The following CCDC63 variants were observed in gnomAD, a reference collection of about 807,000 sequenced individuals.
CCDC63 encodes coiled-coil domain-containing protein 63.
CCDC63 carries 54 observed loss-of-function variants against 63.6 expected under a neutral mutation model. The observed-to-expected ratio is 0.85, with a 90% CI of 0.68 to 1.07. The LOEUF (loss-of-function observed/expected upper bound fraction) is 1.07, where lower values mean the gene tolerates loss of function less well. CCDC63 is among the 50% of genes least tolerant of loss of function. The probability of loss-of-function intolerance (pLI) is 0.00; values close to 1 mark genes in which losing one functional copy is unlikely to be tolerated. For synonymous variants in CCDC63, 253 were observed against 266.1 expected (o/e 0.95, Z 0.48); for missense variants, 637 against 689.6 (o/e 0.92, Z 0.86).
intron 4 of CCDC63, among the ~76,000 whole-genome samples, chr12:110,871,754 A>G (rs928112739): frequency 6.6e-6 from 1 of 152,098 alleles, no homozygotes; most frequent in Non-Finnish European, 1.5e-5. Context: ...AGATTATTGC[A>G]GTGTCTGGAA....
chr12:110,895,319 T>C (rs184093550), intron 9 of CCDC63, among the ~76,000 whole-genome samples: 300 of 152,288 alleles, frequency 2.0e-3, no homozygotes, highest in African/African-American at 6.9e-3. Context: ...TTTACCATGT[T>C]GGCAAGGCTA....
intron 9 of CCDC63, among the ~76,000 whole-genome samples, chr12:110,896,871 G>A (rs1051457391): frequency 4.6e-5 from 7 of 152,208 alleles, no homozygotes; most frequent in Non-Finnish European, 7.3e-5. Context: ...CAGGATCACC[G>A]GGAGGCTTGC....
At chr12:110,894,500 G>C (rs962199810) in intron 9 of CCDC63, among the ~76,000 whole-genome samples, 1 of 152,088 alleles carries the variant, frequency 6.6e-6, no homozygotes, top group Non-Finnish European at 1.5e-5. Flanking sequence ...TGTCTGACGC[G>C]CACCTGGGAG....
At position 110,897,341 on chromosome 12, in the gene CCDC63, A is replaced by T. The variant is rs558577742; in HGVS notation, c.1150-1592A>T. Among the ~76,000 whole-genome samples the T allele has an allele frequency of 1.8e-4, 27 of 151,972 alleles. No homozygotes were observed. In the East Asian group the frequency reaches 5.2e-3, roughly 29 times the overall value. ...GGTGGCTCACACCTGTAATCCCAGC[A>T]CTTTGGGATACTGAGGCAGGAGGAT... On this transcript the variant is annotated intron_variant, in intron 9 of 11. Coordinates refer to ENST00000308208, the MANE Select transcript of CCDC63 (RefSeq NM_152591.3).
chr12:110,863,022 T>C (rs1381896619), intron 4 of CCDC63, among the ~76,000 whole-genome samples: 2 of 151,764 alleles, frequency 1.3e-5, no homozygotes, highest in Non-Finnish European at 2.9e-5. Context: ...TCCCAAAGTG[T>C]TGGGATTACA....
At chr12:110,852,763 G>A in intron 1 of CCDC63, 96 bp from the exon 2 acceptor site, 5 of 762,320 alleles carry the variant, frequency 6.6e-6, no homozygotes, top group Non-Finnish European at 1.1e-5. Flanking sequence ...TGTGGGTGGA[G>A]GAAGGGATGG....
intron 5 of CCDC63, among the ~76,000 whole-genome samples, chr12:110,875,560 G>T (rs1350526021): frequency 6.6e-6 from 1 of 151,932 alleles, no homozygotes; most frequent in African/African-American, 2.4e-5. Context: ...AGTCTATTCA[G>T]ATGTTCTATT....
chr12:110,900,454 C>G (rs1304576257), intron 10 of CCDC63, among the ~76,000 whole-genome samples: 1 of 152,136 alleles, frequency 6.6e-6, no homozygotes, highest in Non-Finnish European at 1.5e-5. Context: ...AGAGTAGTGC[C>G]TGGCATGTAG....
intron 4 of CCDC63, among the ~76,000 whole-genome samples, chr12:110,862,805 G>A (rs1302587193): frequency 6.6e-6 from 1 of 151,408 alleles, no homozygotes; most frequent in Non-Finnish European, 1.5e-5. Flanking sequence ...ACCCAGACTG[G>A]AGTGCAGTGG....
Position 110,889,005 on chromosome 12 carries a change from G to A in CCDC63, c.1075-4071G>A, listed in dbSNP as rs1348790595. 6.6e-6 allele frequency among the ~76,000 whole-genome samples: 1 copy of A among 151,998 alleles called. No homozygotes were observed. Among genetic ancestry groups the A allele is most frequent in the African/African-American group, 2.4e-5 (1 of 41,380 alleles). On this transcript the variant is annotated intron_variant, in intron 8 of 11. Coordinates refer to ENST00000308208, the MANE Select transcript of CCDC63 (RefSeq NM_152591.3). This position sits in a 1 kb window ranked among gnomAD's most constrained non-coding sequence, Gnocchi z 4.1. ...TCTCATCTCAGCCTCCAGAGTGGCT[G>A]GGACTACAGGCACACACCACCACAC...
intron 8 of CCDC63, among the ~76,000 whole-genome samples, chr12:110,888,151 C>G (rs892133571): frequency 6.6e-6 from 1 of 152,110 alleles, no homozygotes; most frequent in African/African-American, 2.4e-5. Flanking sequence ...CTTAGCGGGC[C>G]TTTGAGTTGC....
intron 3 of CCDC63, among the ~76,000 whole-genome samples, chr12:110,854,420 G>A (rs990232135): frequency 1.3e-5 from 2 of 151,090 alleles, no homozygotes; most frequent in Admixed American, 6.6e-5. Context: ...TCAGCTTCCT[G>A]AGTAGCTGGG....
chr12:110,870,142 G>T (rs1246030749), intron 4 of CCDC63, among the ~76,000 whole-genome samples: 1 of 152,148 alleles, frequency 6.6e-6, no homozygotes, highest in Non-Finnish European at 1.5e-5. Flanking sequence ...GAGTGCAATG[G>T]CATGATCTCG....
Position 110,864,054 on chromosome 12 carries a change from T to C in CCDC63, c.369+5279T>C, listed in dbSNP as rs536501068. Among the ~76,000 whole-genome samples, 18 of 152,358 alleles carry C rather than the reference T, an allele frequency of 1.2e-4. 1 individual carries two copies. In the South Asian group the frequency reaches 3.7e-3, roughly 32 times the overall value. On this transcript the variant is annotated intron_variant, in intron 4 of 11. Transcript: ENST00000308208. ...ATTTCACAAAATCCCTCTGGCAGAT[T>C]TCCCCTCATCAGCCATGGCTGGCAT... is the stretch of plus-strand genomic sequence containing the variant.
rs759132420 is a variant in CCDC63, at chr12:110,858,603, T to C, written c.197T>C (p.Leu66Pro). 5 of 1,612,832 alleles carry C rather than the reference T, an allele frequency of 3.1e-6. No homozygotes were observed. In the East Asian group the frequency reaches 8.9e-5, roughly 29 times the overall value. The change falls in exon 4 of 12, where the codon CTG (leucine) becomes CCG (proline). Residue 66 changes from leucine (L) to proline (P), a missense_variant. Coordinates refer to ENST00000308208, the MANE Select transcript of CCDC63 (RefSeq NM_152591.3). ...IASQYKEIKT[L>P]KTEQDEITLL... ...TCCAACAGCAAGGAGATCAAGACCC[T>C]GAAGACAGAGCAGGATGAGATCACC...
intron 1 of CCDC63, among the ~76,000 whole-genome samples, chr12:110,848,010 C>G (rs1593628548): frequency 6.6e-6 from 1 of 152,372 alleles, no homozygotes; most frequent in East Asian, 1.9e-4. Context: ...GAGGCCCTTG[C>G]CTGACGTCCC....
chr12:110,893,750 T>A (rs944883631), intron 9 of CCDC63, among the ~76,000 whole-genome samples: 16 of 152,248 alleles, frequency 1.1e-4, no homozygotes, highest in African/African-American at 3.9e-4. Flanking sequence ...TAATAGGGAC[T>A]CCAAATAATA....
chr12:110,905,954 AT>A (rs66712516), intron 11 of CCDC63, among the ~76,000 whole-genome samples: 1,788 of 5,110 alleles, frequency 0.35, 361 homozygotes, highest in African/African-American at 0.55. Context: ...ATATTATATT[AT>A]TATAATATAT....
At chr12:110,853,343 T>C in intron 2 of CCDC63, 62 bp from the exon 3 acceptor site, 2 of 1,509,922 alleles carry the variant, frequency 1.3e-6, no homozygotes, top group Non-Finnish European at 1.8e-6. Flanking sequence ...CTTAAGCCCA[T>C]CTGTGGGCTT....
Sources: allele counts gnomAD v4.1 joint callset (sites outside exome capture counted in the v4.1 genomes callset), GRCh38; gene constraint gnomAD v4.1.1; non-coding constraint Gnocchi (gnomAD v3.1); transcripts MANE v1.5; gene names NCBI Gene and HGNC (gene_info 2026-07-23, HGNC 2026-07-21).